ATRNL1: variants seen among roughly 807,000 people sequenced by gnomAD.
ATRNL1 encodes the protein attractin-like protein 1.
A neutral mutation model predicts 182.7 loss-of-function variants in ATRNL1; 95 were observed. The observed-to-expected ratio is 0.52, with a 90% confidence interval of 0.44 to 0.62. The LOEUF (loss-of-function observed/expected upper bound fraction) is 0.62, where lower values mean the gene tolerates loss of function less well. ATRNL1 is among the 20% of genes least tolerant of loss of function. The pLI is 0.00. For missense variants in ATRNL1, 1,471 were observed against 1,679.5 expected (o/e 0.88, Z 2.17); for synonymous variants, 576 against 568.3 (o/e 1.01, Z -0.19).
At chr10:115,177,890 G>GT (rs1564799827) in intron 8 of ATRNL1, among the ~76,000 whole-genome samples, 3 of 131,828 alleles carry the variant, frequency 2.3e-5, no homozygotes, top group Non-Finnish European at 5.0e-5. Flanking sequence ...TTTTTTTTTG[G>GT]TTTTGTTTTT....
chr10:115,581,267 G>A (rs1407307719), intron 26 of ATRNL1, among the ~76,000 whole-genome samples: 5 of 151,930 alleles, frequency 3.3e-5, no homozygotes, highest in Non-Finnish European at 7.4e-5. Flanking sequence ...TCCCCAATTA[G>A]TATGTGCCAA....
chr10:115,717,022 C>A (rs1947272001), intron 26 of ATRNL1, among the ~76,000 whole-genome samples: 1 of 152,092 alleles, frequency 6.6e-6, no homozygotes, highest in Admixed American at 6.6e-5. Flanking sequence ...TTCTGAGGAT[C>A]TAGCTTTTAA....
At chr10:115,459,051 A>C (rs976730736) in intron 21 of ATRNL1, among the ~76,000 whole-genome samples, 12 of 152,140 alleles carry the variant, frequency 7.9e-5, no homozygotes, top group Admixed American at 6.6e-4. Context: ...CTAAACATAA[A>C]TTGTAAAGAT....
At chr10:115,469,402 G>A in intron 24 of ATRNL1, 73 bp downstream of exon 24, 22 of 975,822 alleles carry the variant, frequency 2.3e-5, no homozygotes, top group Non-Finnish European at 3.1e-5. Flanking sequence ...TGTCCAAAGT[G>A]ATGATATATG....
chr10:115,299,894 C>A, intron 15 of ATRNL1, 140 bp from the exon 16 acceptor site: 1 of 577,490 alleles, frequency 1.7e-6, no homozygotes, highest in Non-Finnish European at 3.0e-6. Context: ...GTTAATTATT[C>A]TTAGTACTAA....
intron 9 of ATRNL1, among the ~76,000 whole-genome samples, chr10:115,227,798 A>G (rs1413674892): frequency 6.6e-6 from 1 of 152,124 alleles, no homozygotes; most frequent in Non-Finnish European, 1.5e-5. Flanking sequence ...CCATAATCCT[A>G]AGAGAAATTA....
rs186553264 is a variant in ATRNL1, at chr10:115,916,584, T to C, written c.4019-28074T>C. On this transcript the variant is annotated intron_variant, in intron 28 of 28. Transcript: ENST00000355044. ...TTATAGCACTTGGCTGCACGATAAA[T>C]TTCTGTAAAGCACATCCTATTTTTG... Among the ~76,000 whole-genome samples the C allele has an allele frequency of 1.6e-3, 240 of 152,356 alleles. 2 individuals carry two copies. In the Middle Eastern group the frequency reaches 0.034, roughly 22 times the overall value.
intron 26 of ATRNL1, among the ~76,000 whole-genome samples, chr10:115,662,494 G>A (rs557314570): frequency 6.6e-6 from 1 of 152,214 alleles, no homozygotes; most frequent in Admixed American, 6.6e-5. Flanking sequence ...ATCTAATTAT[G>A]TTGGTGGTAG....
At chr10:115,372,794 A>G (rs1857465164) in intron 19 of ATRNL1, among the ~76,000 whole-genome samples, 1 of 151,976 alleles carries the variant, frequency 6.6e-6, no homozygotes, top group Middle Eastern at 3.2e-3. Flanking sequence ...TTATTTTGAG[A>G]TAAGATAGTG....
chr10:115,173,896 G>T (rs1479311131), intron 8 of ATRNL1, among the ~76,000 whole-genome samples: 1 of 149,080 alleles, frequency 6.7e-6, no homozygotes, highest in Non-Finnish European at 1.5e-5. Context: ...TTTGCTTTGT[G>T]ATTCCTGTTT....
At chr10:115,228,106 T>C (rs181976021) in intron 9 of ATRNL1, among the ~76,000 whole-genome samples, 29 of 152,290 alleles carry the variant, frequency 1.9e-4, no homozygotes, top group African/African-American at 7.0e-4. Flanking sequence ...ACTTCTTATA[T>C]GCTAAAAGAT....
At chr10:115,777,872 A>T (rs1274216048) in intron 27 of ATRNL1, among the ~76,000 whole-genome samples, 1 of 152,212 alleles carries the variant, frequency 6.6e-6, no homozygotes, top group African/African-American at 2.4e-5. Flanking sequence ...AATAATATAG[A>T]TAATATGAGC....
intron 27 of ATRNL1, among the ~76,000 whole-genome samples, chr10:115,786,816 C>G (rs1216146524): frequency 6.6e-6 from 1 of 152,118 alleles, no homozygotes; most frequent in Non-Finnish European, 1.5e-5. Context: ...ATTTGACCTA[C>G]TATCTGCATT....
At chr10:115,208,250 A>G (rs775312036) in intron 8 of ATRNL1, among the ~76,000 whole-genome samples, 3 of 152,072 alleles carry the variant, frequency 2.0e-5, no homozygotes, top group Non-Finnish European at 4.4e-5. Flanking sequence ...ATTTGAGTAT[A>G]TTTCCAATCA....
intron 27 of ATRNL1, among the ~76,000 whole-genome samples, chr10:115,755,138 T>G (rs1555071631): frequency 1.3e-5 from 2 of 152,180 alleles, no homozygotes. Flanking sequence ...GACTTCCTCT[T>G]TTCCTAATTG....
chr10:115,190,399 C>T (rs1364439143), intron 8 of ATRNL1, among the ~76,000 whole-genome samples: 1 of 152,046 alleles, frequency 6.6e-6, no homozygotes, highest in Non-Finnish European at 1.5e-5. Flanking sequence ...AGTAGATGTG[C>T]ATTCATATTC....
intron 15 of ATRNL1, among the ~76,000 whole-genome samples, chr10:115,287,171 A>G (rs782477756): frequency 6.6e-6 from 1 of 152,000 alleles, no homozygotes; most frequent in Non-Finnish European, 1.5e-5. Context: ...GGACAGCATA[A>G]AATCTGGACA....
At chr10:115,910,744 G>A (rs1214486795) in intron 28 of ATRNL1, among the ~76,000 whole-genome samples, 1 of 151,976 alleles carries the variant, frequency 6.6e-6, no homozygotes, top group Non-Finnish European at 1.5e-5. Flanking sequence ...GCCTGTTAGA[G>A]GCATTTGAAT....
chr10:115,244,938 A>G (rs1850567129), intron 10 of ATRNL1, among the ~76,000 whole-genome samples: 1 of 152,236 alleles, frequency 6.6e-6, no homozygotes, highest in African/African-American at 2.4e-5. Context: ...TAGGATTTGT[A>G]TAAGAACTAT....
Sources: allele counts gnomAD v4.1 joint callset (sites outside exome capture counted in the v4.1 genomes callset), GRCh38; gene constraint gnomAD v4.1.1; transcripts MANE v1.5; gene names NCBI Gene and HGNC (gene_info 2026-07-23, HGNC 2026-07-21).